Variants in ARB2A observed in about 807,000 individuals in gnomAD.
The protein encoded by ARB2A is ARB2 cotranscriptional regulator A, also known as cotranscriptional regulator ARB2A.
At chr5:93,897,687 G>T in the ARB2A span, among the ~76,000 whole-genome samples, 1 of 151,824 alleles carries the variant, frequency 6.6e-6, no homozygotes, top group South Asian at 2.1e-4. Context: ...TAGTAATTCT[G>T]TAGAGATCCT....
the ARB2A span, among the ~76,000 whole-genome samples, chr5:93,659,771 C>A: frequency 0.15 from 23,514 of 152,120 alleles, 2,040 homozygotes; most frequent in Middle Eastern, 0.23. Context: ...AAGGACACTC[C>A]TTCAATACAT....
the ARB2A span, among the ~76,000 whole-genome samples, chr5:93,627,722 G>T: frequency 6.6e-6 from 1 of 152,240 alleles, no homozygotes; most frequent in African/African-American, 2.4e-5. Flanking sequence ...TTACAAGCAT[G>T]AGCCACCATG....
At chr5:93,890,449 T>G in the ARB2A span, among the ~76,000 whole-genome samples, 1 of 151,894 alleles carries the variant, frequency 6.6e-6, no homozygotes, top group Non-Finnish European at 1.5e-5. Flanking sequence ...AATTAATGAA[T>G]AGACAATTTT....
At chr5:93,909,105 C>T in the ARB2A span, among the ~76,000 whole-genome samples, 1 of 150,826 alleles carries the variant, frequency 6.6e-6, no homozygotes, top group Non-Finnish European at 1.5e-5. Flanking sequence ...TATAAATTTT[C>T]AAATATATTT....
chr5:93,634,331 C>T, the ARB2A span, among the ~76,000 whole-genome samples: 2 of 150,362 alleles, frequency 1.3e-5, no homozygotes, highest in Non-Finnish European at 3.0e-5. Context: ...ACCCAGGAGG[C>T]GGAGGTTGCA....
the ARB2A span, among the ~76,000 whole-genome samples, chr5:93,953,375 G>A: frequency 6.6e-6 from 1 of 152,176 alleles, no homozygotes; most frequent in East Asian, 1.9e-4. Context: ...TGCATTAGGG[G>A]TCACCAGAAG....
chr5:94,110,897 C>T, the ARB2A span, among the ~76,000 whole-genome samples: 1 of 152,066 alleles, frequency 6.6e-6, no homozygotes, highest in Non-Finnish European at 1.5e-5. Context: ...AGTTTCTTGG[C>T]CCAACAGATA....
At chr5:93,725,725 C>T in the ARB2A span, among the ~76,000 whole-genome samples, 2 of 152,046 alleles carry the variant, frequency 1.3e-5, no homozygotes, top group Non-Finnish European at 2.9e-5. Flanking sequence ...AAATTAAATA[C>T]TGGTAAGAAT....
chr5:94,067,062 C>T, the ARB2A span, among the ~76,000 whole-genome samples: 1 of 152,130 alleles, frequency 6.6e-6, no homozygotes, highest in African/African-American at 2.4e-5. Flanking sequence ...TGTGATACAG[C>T]ACATCAACAG....
chr5:94,076,330 G>A, the ARB2A span, among the ~76,000 whole-genome samples: 2 of 152,122 alleles, frequency 1.3e-5, no homozygotes, highest in Admixed American at 6.5e-5. Context: ...CTTAGCATAA[G>A]TGACTCTTAT....
the ARB2A span, among the ~76,000 whole-genome samples, chr5:93,778,229 AAAAG>A: frequency 3.3e-5 from 5 of 152,362 alleles, no homozygotes; most frequent in African/African-American, 1.2e-4. Context: ...TAGAAACTAT[AAAAG>A]AAATAGGGTT....
chr5:93,714,119 C>T, the ARB2A span, among the ~76,000 whole-genome samples: 1 of 152,178 alleles, frequency 6.6e-6, no homozygotes, highest in Non-Finnish European at 1.5e-5. Context: ...GTATCTGTAA[C>T]ATCTGTAACA....
the ARB2A span, chr5:93,738,722 T>C: frequency 2.0e-5 from 3 of 152,196 alleles, no homozygotes; most frequent in African/African-American, 7.2e-5. Flanking sequence ...TCAAATGTTG[T>C]ATGGTTCCAT....
chr5:93,902,340 C>T, the ARB2A span, among the ~76,000 whole-genome samples: 1 of 151,918 alleles, frequency 6.6e-6, no homozygotes. Context: ...AAAATGTTAC[C>T]TTTGTAAAGA....
chr5:93,851,723 G>A, the ARB2A span, among the ~76,000 whole-genome samples: 5 of 151,974 alleles, frequency 3.3e-5, no homozygotes, highest in East Asian at 1.9e-4. Context: ...TTGTTCTTGC[G>A]ATAGTTTACT....
At chr5:93,945,651 A>C in the ARB2A span, among the ~76,000 whole-genome samples, 1 of 152,168 alleles carries the variant, frequency 6.6e-6, no homozygotes, top group Admixed American at 6.5e-5. Context: ...TAAAAATAAG[A>C]AAGAATGGAT....
the ARB2A span, among the ~76,000 whole-genome samples, chr5:93,872,874 G>A: frequency 7.9e-5 from 12 of 151,542 alleles, no homozygotes; most frequent in Admixed American, 5.3e-4. Context: ...CCGAGATCGC[G>A]CCACTGCACT....
At chr5:94,070,567 A>G in the ARB2A span, among the ~76,000 whole-genome samples, 5 of 152,260 alleles carry the variant, frequency 3.3e-5, no homozygotes, top group Admixed American at 3.3e-4. Context: ...AACATTACAC[A>G]TTCTATGCAT....
At chr5:93,975,266 G>A in the ARB2A span, among the ~76,000 whole-genome samples, 12 of 144,542 alleles carry the variant, frequency 8.3e-5, no homozygotes, top group African/African-American at 2.1e-4. Flanking sequence ...GCAGTGATCC[G>A]AGATCATGCC....
Sources: allele counts gnomAD v4.1 joint callset (sites outside exome capture counted in the v4.1 genomes callset), GRCh38; gene constraint gnomAD v4.1.1; transcripts MANE v1.5; gene names NCBI Gene and HGNC (gene_info 2026-07-23, HGNC 2026-07-21).